Variants in HSCB observed in about 807,000 individuals in gnomAD.
The protein encoded by HSCB is iron-sulfur cluster co-chaperone protein HscB.
HSCB carries 23 observed loss-of-function variants against 31.3 expected under a neutral mutation model. The observed-to-expected ratio is 0.74, with a 90% CI of 0.53 to 1.04. The LOEUF is 1.04. Ranked by LOEUF, HSCB falls within the 50% of genes least tolerant of loss-of-function variation. The probability of loss-of-function intolerance (pLI) is 0.00; values close to 1 mark genes in which losing one functional copy is unlikely to be tolerated. For synonymous variants in HSCB, 110 were observed against 104.5 expected (o/e 1.05, Z -0.32); for missense variants, 297 against 288.1 (o/e 1.03, Z -0.22).
chr22:28,742,434 C>G, intron 1 of HSCB, 103 bp downstream of exon 1: 1 of 1,503,960 alleles, frequency 6.6e-7, no homozygotes, highest in Non-Finnish European at 8.9e-7. Context: ...GAAGGCGGGA[C>G]TGATGGGGGG....
At chr22:28,749,631 C>T (rs1305580543) in intron 4 of HSCB, among the ~76,000 whole-genome samples, 1 of 152,100 alleles carries the variant, frequency 6.6e-6, no homozygotes, top group Non-Finnish European at 1.5e-5. Context: ...ACTAAATGAG[C>T]AAACAGTAAT....
chr22:28,756,959 G>A (rs1196339096), intron 5 of HSCB, 119 bp from the exon 6 acceptor site: 2 of 717,004 alleles, frequency 2.8e-6, no homozygotes, highest in African/African-American at 1.8e-5. Context: ...GTCTTACTGA[G>A]GAATTGATGA....
intron 3 of HSCB, 23 bp downstream of exon 3, chr22:28,744,727 C>G (rs369887813): frequency 3.9e-6 from 6 of 1,556,128 alleles, no homozygotes; most frequent in Non-Finnish European, 5.3e-6. Context: ...CCCAACACTT[C>G]TGTGTATGAC....
At chr22:28,756,349 G>GC (rs1208045686) in intron 5 of HSCB, among the ~76,000 whole-genome samples, 1 of 151,916 alleles carries the variant, frequency 6.6e-6, no homozygotes, top group Non-Finnish European at 1.5e-5. Flanking sequence ...TGAACTGTAA[G>GC]CCCCCTGAAG....
chr22:28,752,293 C>T (rs902072822), intron 5 of HSCB, among the ~76,000 whole-genome samples: 1 of 151,182 alleles, frequency 6.6e-6, no homozygotes, highest in East Asian at 2.0e-4. Flanking sequence ...ATTAGCCAGG[C>T]GCAGTGGCGC....
chr22:28,745,664 A>G (rs2054673513), intron 3 of HSCB, 200 bp from the exon 4 acceptor site: 1 of 446,052 alleles, frequency 2.2e-6, no homozygotes, highest in Non-Finnish European at 3.9e-6. Flanking sequence ...CCAAGGTCAC[A>G]TAGTTTTGGG....
chr22:28,744,653 G>A lies in HSCB; in HGVS notation c.372G>A (p.Val124=), dbSNP rs767703096. The change falls in exon 3 of 6, where the codon GTG becomes GTA. Residue 124 remains valine, a synonymous_variant. Transcript: ENST00000216027. The stretch of plus-strand genomic sequence containing the variant: ...TCTCAGAGAAGCATTCGACCCTGGT[G>A]AATGATGCCTATAAGACCCTCCTGG... The part of the protein sequence containing the change: ...KDFSEKHSTL[V]NDAYKTLLAP... 3.1e-6 allele frequency: 5 copies of A among 1,613,958 alleles called. No homozygotes were observed. In the African/African-American group the frequency reaches 5.3e-5, roughly 17 times the overall value.
chr22:28,742,248 G>A lies in HSCB; in HGVS notation c.153G>A (p.Gly51=). ...CWNCGGPWGP[G]REDRFFCPQC... Reference sequence around the variant, plus strand: ...ACTGCGGCGGCCCATGGGGCCCCGGGCGGGAGGACAGGTTCTTCTGCCCAC... The same window carrying A: ...ACTGCGGCGGCCCATGGGGCCCCGGACGGGAGGACAGGTTCTTCTGCCCAC... The change falls in exon 1 of 6, where the codon GGG becomes GGA. Residue 51 remains glycine (G), a synonymous_variant. Coordinates refer to ENST00000216027, the MANE Select transcript of HSCB (RefSeq NM_172002.5). 1.2e-6 allele frequency: 2 copies of A among 1,614,074 alleles called. No homozygotes were observed. The highest frequency in any genetic ancestry group is 1.7e-6 in the Non-Finnish European group (2 of 1,180,020).
At chr22:28,743,521 TC>T (rs1192600695) in intron 1 of HSCB, among the ~76,000 whole-genome samples, 2 of 152,206 alleles carry the variant, frequency 1.3e-5, no homozygotes, top group African/African-American at 4.8e-5. Context: ...TATGGGATCT[TC>T]CCCACCAGTC....
intron 4 of HSCB, among the ~76,000 whole-genome samples, chr22:28,746,582 A>T (rs2146211223): frequency 6.6e-6 from 1 of 151,234 alleles, no homozygotes; most frequent in East Asian, 2.0e-4. Flanking sequence ...GCGAAACCCC[A>T]TCTCTAAAAA....
In HSCB at chr22:28,742,342, C is replaced by A. The variant is rs757813201; in HGVS notation, c.236+11C>A. 6.2e-7 allele frequency: 1 copy of A among 1,607,654 alleles called. No individual in the cohort carries two copies. The highest frequency in any genetic ancestry group is 8.5e-7 in the Non-Finnish European group (1 of 1,175,034). On this transcript the variant is annotated intron_variant, in intron 1 of 5. Coordinates refer to ENST00000216027, the MANE Select transcript of HSCB (RefSeq NM_172002.5). ...CAGCCTTATGGACTGGTACGAGCGA[C>A]GGTTTCGGGAAACGGGCCCGGGCGA... is the stretch of plus-strand genomic sequence containing the variant.
chr22:28,742,634 C>G, intron 1 of HSCB: 1 of 436,302 alleles, frequency 2.3e-6, no homozygotes, highest in Non-Finnish European at 4.1e-6. Context: ...GGGGCGGTAC[C>G]TACGGGAAAG....
chr22:28,749,744 A>G (rs552856125), intron 4 of HSCB, among the ~76,000 whole-genome samples: 1 of 152,254 alleles, frequency 6.6e-6, no homozygotes, highest in East Asian at 1.9e-4. Flanking sequence ...GATAAGAGAA[A>G]CTCAGGAGTT....
At chr22:28,755,787 G>C (rs994717378) in intron 5 of HSCB, among the ~76,000 whole-genome samples, 1 of 152,150 alleles carries the variant, frequency 6.6e-6, no homozygotes, top group African/African-American at 2.4e-5. Flanking sequence ...TTGTAAGCCA[G>C]ATAATTCTTC....
rs758451182 is a variant in HSCB at position 28,750,945 on chromosome 22, C to CTTTTTTTTTTTTTTTTTTTTTTTTT, written c.569-272_569-271insTTTTTTTTTTTTTTTTTTTTTTTTT. Among the ~76,000 whole-genome samples, 56 of 56,456 alleles carry CTTTTTTTTTTTTTTTTTTTTTTTTT rather than the reference C, an allele frequency of 9.9e-4. 8 individuals are homozygous for CTTTTTTTTTTTTTTTTTTTTTTTTT. The highest frequency in any genetic ancestry group is 1.1e-3 in the African/African-American group (16 of 14,962). 37.0% of individuals were successfully genotyped at this position (56,456 alleles called of 152,430 possible). On this transcript the variant is annotated intron_variant, in intron 4 of 5. Coordinates refer to ENST00000216027, the MANE Select transcript of HSCB (RefSeq NM_172002.5). ...GGAGATAATCAAAGTATATCTTTGT[C>CTTTTTTTTTTTTTTTTTTTTTTTTT]TTTTTTTTTTTTTTTTTTTTTTTTA... is the stretch of plus-strand genomic sequence containing the variant.
intron 5 of HSCB, among the ~76,000 whole-genome samples, chr22:28,756,064 T>C (rs909307289): frequency 2.0e-5 from 3 of 151,650 alleles, no homozygotes; most frequent in Admixed American, 6.6e-5. Context: ...ATGGCCAACA[T>C]GGTGAAACCC....
chr22:28,756,741 G>T (rs969361126), intron 5 of HSCB, among the ~76,000 whole-genome samples: 2 of 151,666 alleles, frequency 1.3e-5, no homozygotes, highest in East Asian at 3.9e-4. Context: ...CCATCCTCCC[G>T]CCTCAGCCTC....
In HSCB at chr22:28,745,950, A is replaced by C. The variant is rs1208472189; in HGVS notation, c.510A>C (p.Glu170Asp). ...TCATAGAAATAATGGAAATCAATGA[A>C]AAACTCGCAGAAGCTGAAAGTGAAG... Reference protein sequence around the residue: ...QFLIEIMEINEKLAEAESEAA... With the variant: ...QFLIEIMEINDKLAEAESEAA... Residue 170 changes from glutamate (E) to aspartate (D), a missense_variant, in exon 4 of 6, where the codon GAA (glutamate) becomes GAC (aspartate). Glu to Asp is a conservative substitution (Grantham distance 45). Coordinates refer to ENST00000216027, the MANE Select transcript of HSCB (RefSeq NM_172002.5). The C allele has an allele frequency of 1.9e-6, 3 of 1,614,042 alleles. No homozygotes were observed. The highest frequency in any genetic ancestry group is 2.5e-6 in the Non-Finnish European group (3 of 1,179,954).
At chr22:28,754,993 A>G (rs2146226201) in intron 5 of HSCB, among the ~76,000 whole-genome samples, 2 of 150,632 alleles carry the variant, frequency 1.3e-5, no homozygotes, top group Non-Finnish European at 3.0e-5. Context: ...ATGGGATTTC[A>G]CCATGTTGGC....
Sources: gnomAD v4.1 joint callset for allele counts (sites outside exome capture counted in the v4.1 genomes callset) on GRCh38, gnomAD v4.1.1 for gene constraint, MANE v1.5 for transcripts, NCBI Gene and HGNC (gene_info 2026-07-23, HGNC 2026-07-21) for gene names.